Variants in PLXNA2 observed in about 807,000 individuals in gnomAD.
PLXNA2 encodes plexin-A2.
PLXNA2 carries 91 observed loss-of-function variants against 193.5 expected under a neutral mutation model. That is an observed-to-expected ratio of 0.47 (90% CI 0.40 to 0.56). PLXNA2 has a LOEUF of 0.56. Among genes scored for constraint, PLXNA2 ranks in the 20% least tolerant of loss-of-function variants. The pLI is 0.00. For synonymous variants in PLXNA2, 997 were observed against 1,027.3 expected, an observed-to-expected ratio of 0.97 and a Z score of 0.56; for missense variants, 1,995 against 2,503.2, an observed-to-expected ratio of 0.80 and a Z score of 4.33.
At chr1:208,226,622 C>T (rs1249641577) in intron 1 of PLXNA2, among the ~76,000 whole-genome samples, 2 of 152,192 alleles carry the variant, frequency 1.3e-5, no homozygotes, top group Admixed American at 6.5e-5. Context: ...GGAGATACAC[C>T]GCCTGACCCT....
chr1:208,178,935 G>GT (rs1358015333), intron 3 of PLXNA2, among the ~76,000 whole-genome samples: 1 of 152,230 alleles, frequency 6.6e-6, no homozygotes, highest in Non-Finnish European at 1.5e-5. Context: ...AGAACAACTA[G>GT]TTTAGGGTGT....
chr1:208,221,464 T>G (rs1671335227), intron 1 of PLXNA2, among the ~76,000 whole-genome samples: 1 of 140,380 alleles, frequency 7.1e-6, no homozygotes, highest in Admixed American at 7.5e-5. Context: ...CTCACCCTCA[T>G]GCAGCATTTG....
At chr1:208,045,497 G>A (rs1231074615) in intron 18 of PLXNA2, among the ~76,000 whole-genome samples, 3 of 152,104 alleles carry the variant, frequency 2.0e-5, no homozygotes, top group Admixed American at 6.5e-5. Flanking sequence ...GGGATTTCAC[G>A]AAAGTAGTGG....
At chr1:208,135,300 G>A (rs756344327) in intron 4 of PLXNA2, among the ~76,000 whole-genome samples, 10 of 152,146 alleles carry the variant, frequency 6.6e-5, no homozygotes, top group Non-Finnish European at 1.5e-4. Context: ...AAACAGATGT[G>A]GTTAAAAAGC....
intron 4 of PLXNA2, among the ~76,000 whole-genome samples, chr1:208,114,560 AGAAGCCACAG>A (rs948480065): frequency 6.6e-6 from 1 of 152,262 alleles, no homozygotes; most frequent in African/African-American, 2.4e-5. Context: ...TGAGTAGGTA[AGAAGCCACAG>A]GAACCTCATG....
Position 208,091,824 on chromosome 1 carries a change from C to G in PLXNA2, c.2097+962G>C, listed in dbSNP as rs1666721046. On this transcript the variant is annotated intron_variant, in intron 9 of 31. Coordinates refer to ENST00000367033, the MANE Select transcript of PLXNA2 (RefSeq NM_025179.4). ...GGCAGAGGTTGCAGTGAGCGGAGAT[C>G]ACGCCATTGCACTCCAGCCTGGCGA... 2.0e-5 allele frequency among the ~76,000 whole-genome samples: 3 copies of G among 148,504 alleles called. No homozygotes were observed. In the South Asian group the frequency reaches 6.4e-4, roughly 32 times the overall value.
At chr1:208,051,202 G>T (rs1033445093) in intron 16 of PLXNA2, 54 bp downstream of exon 16, 4 of 1,592,702 alleles carry the variant, frequency 2.5e-6, no homozygotes, top group Non-Finnish European at 2.6e-6. Flanking sequence ...GACTTGGGCT[G>T]CAGGGATCAT....
At chr1:208,238,126 G>C (rs1004027843) in intron 1 of PLXNA2, among the ~76,000 whole-genome samples, 1 of 152,046 alleles carries the variant, frequency 6.6e-6, no homozygotes, top group African/African-American at 2.4e-5. Flanking sequence ...GAGGTGCTAG[G>C]GTTCCTCTGT....
At position 208,027,133 on chromosome 1, in the gene PLXNA2, G is replaced by A. The variant is rs1571835669; in HGVS notation, c.*110C>T. The stretch of plus-strand genomic sequence containing the variant: ...CCCCTCTCCCCAGGATGGGGTCTCA[G>A]GGGACAGCAAGCTCTGGGGCCTGAT... On this transcript the variant is annotated 3_prime_UTR_variant, in exon 32 of 32. Coordinates refer to ENST00000367033, the MANE Select transcript of PLXNA2 (RefSeq NM_025179.4). 1 of 1,018,332 alleles carries A rather than the reference G, an allele frequency of 9.8e-7. No homozygotes were observed. Among genetic ancestry groups the A allele is most frequent in the East Asian group, 2.5e-5 (1 of 40,598 alleles). 63.1% of individuals were successfully genotyped at this position (1,018,332 alleles called of 1,614,324 possible). A position where few individuals can be genotyped will look rare whatever the true frequency, so the allele number is the denominator to read the frequency against.
At chr1:208,110,174 C>A (rs1230119625) in intron 4 of PLXNA2, among the ~76,000 whole-genome samples, 1 of 152,236 alleles carries the variant, frequency 6.6e-6, no homozygotes, top group African/African-American at 2.4e-5. Flanking sequence ...CCAAGGTAGA[C>A]CCTCTGGGGA....
chr1:208,216,156 C>T (rs1328612130), intron 2 of PLXNA2, among the ~76,000 whole-genome samples: 2 of 152,232 alleles, frequency 1.3e-5, no homozygotes, highest in South Asian at 4.1e-4. Context: ...TGCCTCCTTA[C>T]TGTTCCTCAG....
chr1:208,093,394 C>G (rs1443384056), intron 8 of PLXNA2, among the ~76,000 whole-genome samples: 2 of 152,168 alleles, frequency 1.3e-5, no homozygotes, highest in East Asian at 1.9e-4. Flanking sequence ...CTTGCTTCTG[C>G]CACTGCCACT....
intron 4 of PLXNA2, among the ~76,000 whole-genome samples, chr1:208,108,278 A>C (rs1447552307): frequency 3.3e-5 from 5 of 152,194 alleles, no homozygotes; most frequent in Non-Finnish European, 7.3e-5. Context: ...CACTGGACCC[A>C]GCCTCTTTCC....
intron 17 of PLXNA2, 99 bp from the exon 18 acceptor site, chr1:208,046,216 G>T: frequency 1.4e-6 from 2 of 1,401,530 alleles, no homozygotes; most frequent in South Asian, 1.4e-5. Context: ...TTTGTGCCTC[G>T]TCACTGGGTT....
At position 208,114,004 on chromosome 1, in the gene PLXNA2, G is replaced by A. The variant is rs1252824915; in HGVS notation, c.1507-10757C>T. Among the ~76,000 whole-genome samples the A allele has an allele frequency of 2.6e-5, 4 of 152,146 alleles. No homozygotes were observed. The East Asian group carries it at 7.7e-4, about 29-fold the overall frequency. On this transcript the variant is annotated intron_variant, in intron 4 of 31. Transcript: ENST00000367033. ...CATCTTTGCTGTTGTTGAATAGAAG[G>A]TTGAAGCCACCTTTAGTGTTGTCTG...
intron 1 of PLXNA2, among the ~76,000 whole-genome samples, chr1:208,237,335 A>G (rs994966822): frequency 1.3e-5 from 2 of 152,230 alleles, no homozygotes; most frequent in Non-Finnish European, 2.9e-5. Flanking sequence ...GAGTAGATGC[A>G]TAATAGCAGG....
intron 1 of PLXNA2, among the ~76,000 whole-genome samples, chr1:208,227,763 T>C (rs902818156): frequency 1.3e-5 from 2 of 152,148 alleles, no homozygotes; most frequent in Admixed American, 6.5e-5. Context: ...TTCCAAATGA[T>C]ATTTTCAAAG....
chr1:208,225,473 C>T (rs1303952565), intron 1 of PLXNA2, among the ~76,000 whole-genome samples: 1 of 152,160 alleles, frequency 6.6e-6, no homozygotes, highest in East Asian at 1.9e-4. Context: ...CTACACCTGG[C>T]TAATTTTTAT....
chr1:208,205,870 G>A (rs1267300877), intron 3 of PLXNA2, among the ~76,000 whole-genome samples: 1 of 152,204 alleles, frequency 6.6e-6, no homozygotes, highest in Non-Finnish European at 1.5e-5. Flanking sequence ...CACTGAATAA[G>A]CCTAATTCAT....
Sources: allele counts gnomAD v4.1 joint callset (sites outside exome capture counted in the v4.1 genomes callset), GRCh38; gene constraint gnomAD v4.1.1; transcripts MANE v1.5; gene names NCBI Gene and HGNC (gene_info 2026-07-23, HGNC 2026-07-21).